The following OCA2 variants were observed in gnomAD, a reference collection of about 807,000 sequenced individuals.
The protein encoded by OCA2 is OCA2 melanosomal transmembrane protein, also known as P protein.
Under a neutral mutation model 100.2 loss-of-function variants are expected in OCA2, and 77 were observed. The observed-to-expected ratio is 0.77, with a 90% confidence interval of 0.64 to 0.93. The LOEUF is 0.93. Among genes scored for constraint, OCA2 ranks in the 40% least tolerant of loss-of-function variants. The pLI is 0.00. For missense variants in OCA2, 1,062 were observed against 1,089.1 expected (o/e 0.98, Z 0.35); for synonymous variants, 432 against 439.2 (o/e 0.98, Z 0.21).
chr15:27,993,067 T>A (rs1264910027), intron 9 of OCA2, among the ~76,000 whole-genome samples: 1 of 152,078 alleles, frequency 6.6e-6, no homozygotes. Flanking sequence ...GAGCCTGCAG[T>A]GAGCCAAGAT....
At chr15:27,976,473 G>A (rs182037466) in intron 14 of OCA2, among the ~76,000 whole-genome samples, 16 of 152,032 alleles carry the variant, frequency 1.1e-4, no homozygotes, top group African/African-American at 3.6e-4. Context: ...AATAGATATC[G>A]GATTTTGCCA....
intron 1 of OCA2, among the ~76,000 whole-genome samples, chr15:28,098,476 C>T (rs563893145): frequency 1.3e-5 from 2 of 152,358 alleles, no homozygotes; most frequent in African/African-American, 4.8e-5. Context: ...CTGCTAACAG[C>T]CTCGGGTTTC....
intron 19 of OCA2, among the ~76,000 whole-genome samples, chr15:27,894,220 C>T (rs1244476997): frequency 1.3e-5 from 2 of 152,188 alleles, no homozygotes; most frequent in Non-Finnish European, 2.9e-5. Flanking sequence ...TTCTACCAGG[C>T]CTTTGTCTCC....
chr15:27,937,335 G>A (rs1241748405), intron 18 of OCA2, among the ~76,000 whole-genome samples: 1 of 152,150 alleles, frequency 6.6e-6, no homozygotes, highest in African/African-American at 2.4e-5. Context: ...TTTCCAGTTT[G>A]GGGCTATTAT....
chr15:27,844,992 T>C lies in OCA2; in HGVS notation c.2399A>G (p.His800Arg), dbSNP rs1383213839. 3.7e-6 allele frequency: 6 copies of C among 1,613,702 alleles called. No homozygotes were observed. In the East Asian group the frequency reaches 6.7e-5, roughly 18 times the overall value. The change falls in exon 23 of 24, where the codon CAT becomes CGT. Residue 800 changes from histidine to arginine, a missense_variant. His to Arg is a conservative substitution (Grantham distance 29). Coordinates refer to ENST00000354638, the MANE Select transcript of OCA2 (RefSeq NM_000275.3). ...TTCCATGAAGGAGAACCCATATCCA[T>C]GCTGTTCTGCAATCCCTGCACACAC... Reference protein sequence around the residue: ...NVVCAGIAEQHGYGFSFMEFF... With the variant: ...NVVCAGIAEQRGYGFSFMEFF...
chr15:27,915,198 C>T (rs1368899222), intron 19 of OCA2, among the ~76,000 whole-genome samples: 1 of 152,124 alleles, frequency 6.6e-6, no homozygotes, highest in Admixed American at 6.6e-5. Context: ...CCATCACATA[C>T]AAAAATCAAC....
intron 15 of OCA2, among the ~76,000 whole-genome samples, chr15:27,961,726 C>A (rs947315288): frequency 6.6e-6 from 1 of 152,094 alleles, no homozygotes; most frequent in East Asian, 1.9e-4. Context: ...AATGTTCTCA[C>A]TCATAAGTGG....
chr15:27,755,320 AGTTTTATGACTAATGGGTTGTGAT>A lies in OCA2; in HGVS notation c.*44_*67del. On this transcript the variant is annotated 3_prime_UTR_variant, in exon 24 of 24. Transcript: ENST00000354638. ...CTTCTTCAAACAGTGGGGTCAGGGT[AGTTTTATGACTAATGGGTTGTGAT>A]GGATGAAGTTTCCTTTAGTCTTCGA... 1 of 1,139,466 alleles carries A rather than the reference AGTTTTATGACTAATGGGTTGTGAT, an allele frequency of 8.8e-7. No homozygotes were observed. Among genetic ancestry groups the A allele is most frequent in the Middle Eastern group, 1.9e-4 (1 of 5,140 alleles). 70.6% of individuals were successfully genotyped at this position (1,139,466 alleles called of 1,614,324 possible).
At chr15:27,984,219 A>G (rs1444739581) in intron 13 of OCA2, among the ~76,000 whole-genome samples, 2 of 151,926 alleles carry the variant, frequency 1.3e-5, no homozygotes, top group Non-Finnish European at 2.9e-5. Context: ...GTGGAGCTCC[A>G]CCATGGCCTC....
chr15:27,757,168 G>T (rs181294118), intron 23 of OCA2, among the ~76,000 whole-genome samples: 1 of 152,324 alleles, frequency 6.6e-6, no homozygotes, highest in Admixed American at 6.5e-5. Context: ...CAGCTAGTTT[G>T]CTCTGGTGTG....
intron 19 of OCA2, among the ~76,000 whole-genome samples, chr15:27,921,654 T>C (rs1160994616): frequency 6.6e-6 from 1 of 152,202 alleles, no homozygotes; most frequent in African/African-American, 2.4e-5. Context: ...CAGCCTACTA[T>C]TGACTGGGAG....
intron 23 of OCA2, among the ~76,000 whole-genome samples, chr15:27,804,842 C>A (rs2033761210): frequency 6.6e-6 from 1 of 152,216 alleles, no homozygotes; most frequent in African/African-American, 2.4e-5. Context: ...GCCAGGCAGG[C>A]CTGTTCCTTA....
intron 17 of OCA2, among the ~76,000 whole-genome samples, chr15:27,953,240 C>T (rs187966599): frequency 1.3e-4 from 20 of 152,336 alleles, no homozygotes; most frequent in Non-Finnish European, 1.5e-5. Flanking sequence ...CTCTCTCTTG[C>T]TTCCTCTGGT....
At chr15:27,885,098 G>C (rs1466002076) in intron 19 of OCA2, among the ~76,000 whole-genome samples, 1 of 152,154 alleles carries the variant, frequency 6.6e-6, no homozygotes, top group East Asian at 1.9e-4. Flanking sequence ...CATGACTTAT[G>C]TTATAAGCCC....
Position 27,989,560 on chromosome 15 carries a change from G to A in OCA2, c.1182+41C>T, listed in dbSNP as rs201772955. ...GGAGGCCAGAGAAGGCCCGGTTACC[G>A]CAGGCGTGGAGCCCAGTCCCACGGG... On this transcript the variant is annotated intron_variant, in intron 11 of 23. Coordinates refer to ENST00000354638, the MANE Select transcript of OCA2 (RefSeq NM_000275.3). 239 of 1,560,788 alleles carry A rather than the reference G, an allele frequency of 1.5e-4. 6 individuals carry two copies. In the South Asian group the frequency reaches 2.3e-3, roughly 15 times the overall value.
chr15:27,849,749 G>A (rs901097189), intron 22 of OCA2, among the ~76,000 whole-genome samples: 11 of 152,038 alleles, frequency 7.2e-5, no homozygotes, highest in South Asian at 2.1e-4. Context: ...TGACGGCTGC[G>A]CAACGCTGTG....
chr15:27,929,831 T>TTTTTTTTTTTTTTTTTTTTTG (rs1343960106), intron 18 of OCA2, among the ~76,000 whole-genome samples: 23 of 150,802 alleles, frequency 1.5e-4, no homozygotes, highest in Middle Eastern at 3.2e-3. Flanking sequence ...GGAAATATTT[T>TTTTTTTTTTTTTTTTTTTTTG]AAACAGACAC....
intron 19 of OCA2, 125 bp downstream of exon 19, chr15:27,926,002 C>T: frequency 1.7e-6 from 2 of 1,173,136 alleles, no homozygotes; most frequent in Admixed American, 2.2e-5. Context: ...TTACAACCTT[C>T]ATTGTTTTCC....
In OCA2 at chr15:27,831,107, GA is replaced by G. The variant is rs554216304; in HGVS notation, c.2432+13851del. 1.3e-3 allele frequency among the ~76,000 whole-genome samples: 194 copies of G among 152,094 alleles called. 1 individual carries two copies. The highest frequency in any genetic ancestry group is 4.4e-3 in the African/African-American group (181 of 41,498). On this transcript the variant is annotated intron_variant, in intron 23 of 23. Coordinates refer to ENST00000354638, the MANE Select transcript of OCA2 (RefSeq NM_000275.3). Reference sequence around the variant, plus strand: ...TGGAGACCATCCTGGCCAACACGGTGAAAACTCATCTCTACTAAAAATATAA... The same window carrying G: ...TGGAGACCATCCTGGCCAACACGGTGAAACTCATCTCTACTAAAAATATAA...
Sources: gnomAD v4.1 joint callset for allele counts (sites outside exome capture counted in the v4.1 genomes callset) on GRCh38, gnomAD v4.1.1 for gene constraint, MANE v1.5 for transcripts, NCBI Gene and HGNC (gene_info 2026-07-23, HGNC 2026-07-21) for gene names.